The following ZFP90 variants were observed in gnomAD, a reference collection of about 807,000 sequenced individuals.
ZFP90 encodes the protein ZFP90 zinc finger protein, also known as zinc finger protein 90 homolog.
Under a neutral mutation model 60.8 loss-of-function variants are expected in ZFP90, and 38 were observed. The ratio of observed to expected loss-of-function variants is 0.62; its 90% CI spans 0.48 to 0.82. The LOEUF (loss-of-function observed/expected upper bound fraction) is 0.82. Ranked by LOEUF, ZFP90 falls within the 40% of genes least tolerant of loss-of-function variation. ZFP90 has a pLI of 0.00. For synonymous variants in ZFP90, 287 were observed against 264.8 expected, an observed-to-expected ratio of 1.08 and a Z score of -0.82; for missense variants, 711 against 759.1, an observed-to-expected ratio of 0.94 and a Z score of 0.74.
intron 3 of ZFP90, 135 bp from the exon 4 acceptor site, chr16:68,558,338 G>T: frequency 9.2e-7 from 1 of 1,092,738 alleles, no homozygotes; most frequent in East Asian, 2.5e-5. Context: ...CAATTTGATT[G>T]CATGACTCCT....
At chr16:68,572,687 A>G (rs1170434) in intron 2 of ZFP90, among the ~76,000 whole-genome samples, 122,548 of 152,182 alleles carry the variant, frequency 0.81, 49,522 homozygotes, top group African/African-American at 0.87. Context: ...AGATATTGGG[A>G]GATCTGAAAG....
upstream of ZFP90, among the ~76,000 whole-genome samples, chr16:68,536,819 G>A (rs2090964028): frequency 6.6e-6 from 1 of 152,104 alleles, no homozygotes; most frequent in South Asian, 2.1e-4. Flanking sequence ...GGGACAGTAG[G>A]AAAAATTCCT....
In ZFP90 at chr16:68,549,596, G is replaced by A. The variant is rs556881220; in HGVS notation, c.34-8402G>A. On this transcript the variant is annotated intron_variant, in intron 2 of 4. Transcript: ENST00000563169. ...CGGGAGGCTGAGGCAGGAGAATGGC[G>A]TGAACCTGGGAAGCGGAGCTTGCAG... Among the ~76,000 whole-genome samples the A allele has an allele frequency of 6.7e-4, 96 of 142,234 alleles. 2 individuals carry two copies. In the East Asian group the frequency reaches 0.019, roughly 28 times the overall value. 93.3% of individuals were successfully genotyped at this position (142,234 alleles called of 152,430 possible). A position where few individuals can be genotyped will look rare whatever the true frequency, so the allele number is the denominator to read the frequency against.
At position 68,566,636 on chromosome 16, in the gene ZFP90, T is replaced by G; in HGVS notation, c.*1938T>G. ...TGCTGACCATCCAAAACACCTTGTTTATGGTGCACCATGATTAGCTCACAC... is the reference window on the plus strand; with the variant it reads ...TGCTGACCATCCAAAACACCTTGTTGATGGTGCACCATGATTAGCTCACAC... On this transcript the variant is annotated 3_prime_UTR_variant, in exon 5 of 5. Transcript: ENST00000563169. 1 of 985,588 alleles carries G rather than the reference T, an allele frequency of 1.0e-6. No homozygotes were observed. Among genetic ancestry groups the G allele is most frequent in the Non-Finnish European group, 1.2e-6 (1 of 829,948 alleles). 61.1% of individuals were successfully genotyped at this position (985,588 alleles called of 1,614,324 possible).
At position 68,534,229 on chromosome 16, in the gene ZFP90, C is replaced by CTTTTTTTTTTTTTTTTTTTT. The variant is rs1555496914; in HGVS notation, c.-36+377_-36+378insTTTTTTTTTTTTTTTTTTTT. ...CATTTTTAACTTAAAGATTTTCTTTCTTTCTTTTTTTTTTTTTGAGACAGC... is the reference window on the plus strand; with the variant it reads ...CATTTTTAACTTAAAGATTTTCTTTCTTTTTTTTTTTTTTTTTTTTTTTCTTTTTTTTTTTTTGAGACAGC... On this transcript the variant is annotated intron_variant, in intron 2 of 3. Transcript: ENST00000569109. Among the ~76,000 whole-genome samples the CTTTTTTTTTTTTTTTTTTTT allele has an allele frequency of 3.0e-5, 4 of 135,148 alleles. 2 individuals carry two copies. The highest frequency in any genetic ancestry group is 5.6e-5 in the African/African-American group (2 of 35,640). The allele number at this position is 135,148 out of a possible 152,430, so 88.7% of individuals were successfully genotyped here.
chr16:68,561,659 A>G (rs1443323199), intron 4 of ZFP90, among the ~76,000 whole-genome samples: 2 of 152,222 alleles, frequency 1.3e-5, no homozygotes, highest in Non-Finnish European at 2.9e-5. Flanking sequence ...CAGAGCATAT[A>G]GAAAGCAATC....
rs957491357 is a variant in ZFP90 at position 68,564,780 on chromosome 16, G to C, written c.*82G>C. The C allele has an allele frequency of 3.6e-5, 54 of 1,488,298 alleles. No individual in the cohort carries two copies. Among genetic ancestry groups the C allele is most frequent in the Non-Finnish European group, 4.7e-5 (53 of 1,125,080 alleles). 92.2% of individuals were successfully genotyped at this position (1,488,298 alleles called of 1,614,324 possible). On this transcript the variant is annotated 3_prime_UTR_variant, in exon 5 of 5. Transcript: ENST00000563169. ...ATCAGAGGATTCTTAGAGAGCTTGG[G>C]AATGTAATGAATTACGTGTGTGTTT...
rs556245010 is a variant in ZFP90 at position 68,557,982 on chromosome 16, G to A, written c.34-16G>A. ...GTGGGGTTGATCCCCAGTTGAACAG[G>A]AATGTGATTTTACAGGAATCAGTGA... On this transcript the variant is annotated splice_polypyrimidine_tract_variant and intron_variant, in intron 2 of 4. Transcript: ENST00000563169. The A allele has an allele frequency of 1.2e-6, 2 of 1,613,232 alleles. No homozygotes were observed. The highest frequency in any genetic ancestry group is 1.3e-5 in the African/African-American group (1 of 74,772).
At chr16:68,539,713 G>A in intron 1 of ZFP90, 45 bp from the exon 2 acceptor site, 3 of 1,439,258 alleles carry the variant, frequency 2.1e-6, no homozygotes, top group South Asian at 1.3e-5. Context: ...GCGGGGTGGG[G>A]TCGGTGTTGC....
chr16:68,571,976 AATAACTTTTAGT>A (rs2091571327), downstream of ZFP90, among the ~76,000 whole-genome samples: 1 of 152,140 alleles, frequency 6.6e-6, no homozygotes, highest in African/African-American at 2.4e-5. Flanking sequence ...AATTTTTGCT[AATAACTTTTAGT>A]AAAACCCTGG....
intron 2 of ZFP90, chr16:68,555,001 C>G (rs1242289669): frequency 1.3e-5 from 2 of 152,224 alleles, no homozygotes; most frequent in African/African-American, 4.8e-5. Flanking sequence ...CCATGCCTCT[C>G]CCAAGACCAG....
chr16:68,571,181 A>G (rs774281125), downstream of ZFP90, among the ~76,000 whole-genome samples: 5 of 152,232 alleles, frequency 3.3e-5, no homozygotes, highest in Non-Finnish European at 7.3e-5. Flanking sequence ...CTGCAACAGC[A>G]TCAAGGGTTG....
At chr16:68,536,699 G>C (rs1052453072), upstream of ZFP90, among the ~76,000 whole-genome samples, 2 of 152,160 alleles carry the variant, frequency 1.3e-5, no homozygotes, top group Non-Finnish European at 2.9e-5. Flanking sequence ...TCAGAATTCA[G>C]CACCCAGCTT....
In ZFP90 at chr16:68,539,754, C is replaced by G. The variant is rs1347057003; in HGVS notation, c.-35-4C>G. The stretch of plus-strand genomic sequence containing the variant: ...GGTGAGTGGGCCCTGTCCTTTCTCC[C>G]CAGCTCCTGCCCCGGAGCCGGGCCC... On this transcript the variant is annotated splice_polypyrimidine_tract_variant and splice_region_variant and intron_variant, in intron 1 of 4. Coordinates refer to ENST00000563169, the MANE Select transcript of ZFP90 (RefSeq NM_001305203.2). The G allele has an allele frequency of 6.4e-7, 1 of 1,557,088 alleles. No individual in the cohort carries two copies. The highest frequency in any genetic ancestry group is 1.7e-4 in the Middle Eastern group (1 of 5,952).
chr16:68,551,444 C>T (rs560211772), intron 2 of ZFP90, among the ~76,000 whole-genome samples: 21 of 115,772 alleles, frequency 1.8e-4, no homozygotes, highest in South Asian at 2.6e-4. Context: ...TTTTTGGAGA[C>T]GGAATCTTGC....
chr16:68,538,885 TGAA>T (rs574739014), upstream of ZFP90, among the ~76,000 whole-genome samples: 53 of 152,300 alleles, frequency 3.5e-4, no homozygotes, highest in East Asian at 3.5e-3. Context: ...AATTGCCTTT[TGAA>T]GAAGATGTAA....
At chr16:68,556,671 T>G (rs2091349162) in intron 2 of ZFP90, among the ~76,000 whole-genome samples, 1 of 152,184 alleles carries the variant, frequency 6.6e-6, no homozygotes, top group African/African-American at 2.4e-5. Context: ...CAAGCTAATA[T>G]CTCCGATCAT....
upstream of ZFP90, chr16:68,535,434 A>G (rs1458817205): frequency 6.6e-6 from 1 of 152,124 alleles, no homozygotes. Context: ...AGTGTCTCCT[A>G]TTAGATACCC....
At chr16:68,553,861 G>C (rs1171247674) in intron 2 of ZFP90, among the ~76,000 whole-genome samples, 5 of 152,162 alleles carry the variant, frequency 3.3e-5, no homozygotes, top group African/African-American at 1.2e-4. Flanking sequence ...CTGGCCTCTA[G>C]TGATCTTCCC....
Sources: gnomAD v4.1 joint callset for allele counts (sites outside exome capture counted in the v4.1 genomes callset) on GRCh38, gnomAD v4.1.1 for gene constraint, MANE v1.5 for transcripts, NCBI Gene and HGNC (gene_info 2026-07-23, HGNC 2026-07-21) for gene names.